ZNF536: variants seen among roughly 807,000 people sequenced by gnomAD.
The protein encoded by ZNF536 is zinc finger protein 536.
Under a neutral mutation model 84.5 loss-of-function variants are expected in ZNF536, and 13 were observed. That is an observed-to-expected ratio of 0.15 (90% confidence interval 0.10 to 0.24). The LOEUF (loss-of-function observed/expected upper bound fraction) is 0.24, where lower values mean the gene tolerates loss of function less well. ZNF536 is among the 10% of genes least tolerant of loss of function. ZNF536 has a pLI of 1.00. For synonymous variants in ZNF536, 811 were observed against 742.5 expected (o/e 1.09, Z -1.50); for missense variants, 1,536 against 1,747.5 (o/e 0.88, Z 2.16).
intron 2 of ZNF536, among the ~76,000 whole-genome samples, chr19:30,318,900 G>T (rs1306997713): frequency 6.6e-6 from 1 of 152,168 alleles, no homozygotes; most frequent in East Asian, 1.9e-4. Context: ...GGGGCAGTTT[G>T]CTCCCTTCTT....
chr19:30,249,475 T>C (rs2024484343), intron 1 of ZNF536, among the ~76,000 whole-genome samples: 1 of 152,120 alleles, frequency 6.6e-6, no homozygotes, highest in Non-Finnish European at 1.5e-5. Flanking sequence ...TCAGCAGTCC[T>C]GTGAGATGGG....
At chr19:30,457,579 G>C (rs773398551) in intron 2 of ZNF536, among the ~76,000 whole-genome samples, 1 of 152,188 alleles carries the variant, frequency 6.6e-6, no homozygotes, top group East Asian at 1.9e-4. Context: ...TCTGGGGGAC[G>C]CAGGACAGTT....
chr19:30,676,392 G>A (rs1270063610), intron 1 of ZNF536, among the ~76,000 whole-genome samples: 1 of 152,184 alleles, frequency 6.6e-6, no homozygotes, highest in Non-Finnish European at 1.5e-5. Context: ...TGTCAACATT[G>A]TAGGACAGGA....
intron 1 of ZNF536, among the ~76,000 whole-genome samples, chr19:30,422,880 TC>T (rs1181570444): frequency 3.3e-5 from 4 of 122,098 alleles, no homozygotes; most frequent in African/African-American, 1.3e-4. Flanking sequence ...CATCCATCCA[TC>T]CATCCATGCG....
intron 1 of ZNF536, among the ~76,000 whole-genome samples, chr19:30,575,987 A>T (rs1446140278): frequency 2.0e-5 from 3 of 152,204 alleles, no homozygotes; most frequent in African/African-American, 7.2e-5. Context: ...CGCCCCATGC[A>T]GTCCCTTAAG....
intron 1 of ZNF536, among the ~76,000 whole-genome samples, chr19:30,427,012 A>G (rs2051245834): frequency 6.6e-6 from 1 of 152,160 alleles, no homozygotes; most frequent in Non-Finnish European, 1.5e-5. Flanking sequence ...TCCAACATCC[A>G]TCTGACACCT....
Position 30,610,156 on chromosome 19 carries a change from A to G in ZNF536, c.169+60642A>G, listed in dbSNP as rs190107081. 3.3e-5 allele frequency among the ~76,000 whole-genome samples: 5 copies of G among 152,360 alleles called. No homozygotes were observed. In the East Asian group the frequency reaches 9.6e-4, roughly 29 times the overall value. ...GAAACTTCTTTCTAGTGGAAGTAAC[A>G]AGCAAGGATAGTGGATGTTACAATG... On this transcript the variant is annotated intron_variant, in intron 1 of 1. Transcript: ENST00000592773.
chr19:30,552,861 C>T (rs1411045330), intron 4 of ZNF536, among the ~76,000 whole-genome samples: 3 of 152,184 alleles, frequency 2.0e-5, no homozygotes, highest in Non-Finnish European at 2.9e-5. Flanking sequence ...GGACAGCACA[C>T]GGCCTGTCAG....
At chr19:30,367,841 ATC>A (rs1325036946), upstream of ZNF536, among the ~76,000 whole-genome samples, 2 of 151,708 alleles carry the variant, frequency 1.3e-5, no homozygotes, top group African/African-American at 2.4e-5. Flanking sequence ...TACCACCTCG[ATC>A]TCTCTCTTCT....
rs147904691 is a variant in ZNF536 at position 30,229,118 on chromosome 19, C to T, written c.-190+445C>T. ...CCCATTATTCTAAGGTTTGTGTCTG[C>T]GTGTGCGTGTATGTATGTGTGTGTT... On this transcript the variant is annotated intron_variant, in intron 1 of 5. Transcript: ENST00000585628. Among the ~76,000 whole-genome samples, 877 of 152,134 alleles carry T rather than the reference C, an allele frequency of 5.8e-3. 17 individuals carry two copies. Among genetic ancestry groups the T allele is most frequent in the African/African-American group, 0.02 (841 of 41,506 alleles).
rs1418728461 is a variant in ZNF536, at chr19:30,228,946, GGC to G, written c.-190+279_-190+280del. On this transcript the variant is annotated intron_variant, in intron 1 of 5. Transcript: ENST00000585628. This position sits in a 1 kb window ranked among gnomAD's most constrained non-coding sequence, Gnocchi z 4.5. Reference sequence around the variant, plus strand: ...CGAGACTCGGGAGGCGATCTTGGGGGGCGCGCGGTCGCAGTTGGGCATCTTGC... The same window carrying G: ...CGAGACTCGGGAGGCGATCTTGGGGGGCGCGGTCGCAGTTGGGCATCTTGC... Among the ~76,000 whole-genome samples the G allele has an allele frequency of 6.6e-6, 1 of 151,862 alleles. No homozygotes were observed. The highest frequency in any genetic ancestry group is 2.4e-5 in the African/African-American group (1 of 41,336).
intron 1 of ZNF536, among the ~76,000 whole-genome samples, chr19:30,262,657 G>T (rs945618261): frequency 2.0e-5 from 3 of 152,156 alleles, no homozygotes; most frequent in African/African-American, 4.8e-5. Flanking sequence ...ATCCTTGGGT[G>T]GCCAGGTGGT....
intron 2 of ZNF536, among the ~76,000 whole-genome samples, chr19:30,522,919 T>C (rs949063103): frequency 2.0e-5 from 3 of 152,224 alleles, no homozygotes; most frequent in African/African-American, 7.2e-5. Flanking sequence ...GGGAGTTTGG[T>C]GCAGATTCTA....
chr19:30,267,486 G>T (rs1405594970), intron 1 of ZNF536, among the ~76,000 whole-genome samples: 1 of 152,118 alleles, frequency 6.6e-6, no homozygotes, highest in African/African-American at 2.4e-5. Flanking sequence ...TAGAGTGAAG[G>T]TAGGAATAAA....
At chr19:30,443,437 G>T in intron 1 of ZNF536, 124 bp from the exon 2 acceptor site, 1 of 1,333,910 alleles carries the variant, frequency 7.5e-7, no homozygotes, top group Non-Finnish European at 9.8e-7. Flanking sequence ...TTTTTGACAA[G>T]AATTCCTTAG....
At chr19:30,446,275 GAAA>G (rs1401747800) in intron 2 of ZNF536, among the ~76,000 whole-genome samples, 1 of 55,426 alleles carries the variant, frequency 1.8e-5, no homozygotes, top group Non-Finnish European at 3.9e-5. Context: ...AAAAAAAAAA[GAAA>G]GAAAGAAAGA....
At chr19:30,380,266 C>A (rs1379961577) in intron 1 of ZNF536, among the ~76,000 whole-genome samples, 1 of 152,136 alleles carries the variant, frequency 6.6e-6, no homozygotes, top group African/African-American at 2.4e-5. Context: ...CCCTAATTAG[C>A]CAGCCTTAGG....
chr19:30,429,879 A>G (rs907802654), intron 1 of ZNF536, among the ~76,000 whole-genome samples: 2 of 152,202 alleles, frequency 1.3e-5, no homozygotes, highest in Admixed American at 1.3e-4. Flanking sequence ...TGGAATCCAA[A>G]TTAGTTCAAC....
intron 1 of ZNF536, among the ~76,000 whole-genome samples, chr19:30,396,884 C>T (rs887674676): frequency 2.6e-5 from 4 of 152,274 alleles, no homozygotes; most frequent in Non-Finnish European, 2.9e-5. Flanking sequence ...GGATTACAGG[C>T]GTGAACCACC....
Sources: gnomAD v4.1 joint callset for allele counts (sites outside exome capture counted in the v4.1 genomes callset) on GRCh38, gnomAD v4.1.1 for gene constraint, Gnocchi (gnomAD v3.1) non-coding constraint, MANE v1.5 for transcripts, NCBI Gene and HGNC (gene_info 2026-07-23, HGNC 2026-07-21) for gene names.